The following CNTNAP5 variants were observed in gnomAD, a reference collection of about 807,000 sequenced individuals.
The protein encoded by CNTNAP5 is contactin-associated protein-like 5.
In CNTNAP5, 72 loss-of-function variants were observed where a neutral mutation model predicts 150.2. That is an observed-to-expected ratio of 0.48 (90% CI 0.40 to 0.58). CNTNAP5 has a LOEUF of 0.58. CNTNAP5 is among the 20% of genes least tolerant of loss of function. The pLI, the probability that CNTNAP5 is intolerant of heterozygous loss-of-function variation, is 0.00. For missense variants in CNTNAP5, 1,636 were observed against 1,626.2 expected (o/e 1.01, Z -0.10); for synonymous variants, 672 against 619.8 (o/e 1.08, Z -1.25).
intron 13 of CNTNAP5, among the ~76,000 whole-genome samples, chr2:124,726,007 T>C (rs1475034153): frequency 6.6e-6 from 1 of 152,106 alleles, no homozygotes; most frequent in East Asian, 1.9e-4. Flanking sequence ...TGTGTATATA[T>C]ATGATAGTTC....
intron 4 of CNTNAP5, among the ~76,000 whole-genome samples, chr2:124,419,944 CTTTCTTTCTTTCCTTT>C (rs1362638019): frequency 8.5e-6 from 1 of 116,962 alleles, no homozygotes; most frequent in African/African-American, 3.5e-5. Context: ...TTCTTTCTTT[CTTTCTTTCTTTCCTTT>C]TCTCTCTCTC....
intron 13 of CNTNAP5, among the ~76,000 whole-genome samples, chr2:124,657,748 G>T (rs1362803270): frequency 2.0e-5 from 3 of 152,124 alleles, no homozygotes; most frequent in Admixed American, 1.3e-4. Context: ...GCCCCACTTT[G>T]CTTTTTGTTG....
intron 13 of CNTNAP5, among the ~76,000 whole-genome samples, chr2:124,666,880 C>G (rs1678712705): frequency 6.6e-6 from 1 of 152,042 alleles, no homozygotes; most frequent in Admixed American, 6.6e-5. Flanking sequence ...ATATTTTGTG[C>G]TTGAAATTGC....
chr2:124,304,926 G>A (rs1688645526), intron 3 of CNTNAP5, among the ~76,000 whole-genome samples: 2 of 151,904 alleles, frequency 1.3e-5, no homozygotes, highest in South Asian at 4.2e-4. Context: ...AGGTAATTGA[G>A]TTATGGTAGA....
intron 3 of CNTNAP5, among the ~76,000 whole-genome samples, chr2:124,352,565 A>G (rs1438585986): frequency 6.6e-6 from 1 of 152,198 alleles, no homozygotes; most frequent in Non-Finnish European, 1.5e-5. Flanking sequence ...ATTTTCTGGA[A>G]GTTACATGAC....
intron 1 of CNTNAP5, among the ~76,000 whole-genome samples, chr2:124,157,589 A>G (rs1287341703): frequency 2.0e-5 from 3 of 152,324 alleles, no homozygotes; most frequent in Non-Finnish European, 4.4e-5. Flanking sequence ...TTTAGAAGAA[A>G]GAAGGGGTCC....
intron 1 of CNTNAP5, among the ~76,000 whole-genome samples, chr2:124,186,599 A>G (rs561081478): frequency 3.0e-4 from 45 of 152,334 alleles, no homozygotes; most frequent in African/African-American, 1.0e-3. Flanking sequence ...AGTTAAACTC[A>G]TCATCAAAAG....
chr2:124,628,108 A>G (rs1327874248), intron 12 of CNTNAP5, among the ~76,000 whole-genome samples: 1 of 152,214 alleles, frequency 6.6e-6, no homozygotes, highest in Non-Finnish European at 1.5e-5. Flanking sequence ...TCTTTAAGAG[A>G]TGGGGAGAAT....
intron 2 of CNTNAP5, 85 bp downstream of exon 2, chr2:124,221,894 C>T: frequency 1.2e-6 from 1 of 830,520 alleles, no homozygotes; most frequent in Non-Finnish European, 2.0e-6. Flanking sequence ...CTCTCAGACA[C>T]TGAAATCATG....
At chr2:124,146,972 G>C (rs537638964) in intron 1 of CNTNAP5, among the ~76,000 whole-genome samples, 4 of 152,186 alleles carry the variant, frequency 2.6e-5, no homozygotes, top group African/African-American at 9.6e-5. Flanking sequence ...GCTGGGGTTG[G>C]GGGGAGACAA....
intron 19 of CNTNAP5, among the ~76,000 whole-genome samples, chr2:124,854,218 C>T (rs371794429): frequency 1.0e-3 from 159 of 152,274 alleles, no homozygotes; most frequent in African/African-American, 3.3e-3. Flanking sequence ...TTTCCCTCTG[C>T]TTATACGTCC....
In CNTNAP5 at chr2:124,747,304, T is replaced by C. The variant is rs35085748; in HGVS notation, c.2153T>C (p.Val718Ala). ...TACTGGGGAGGTTCCCCTCCTGGGGTCCAGCAGTGTGAGTGTGGCCTAGAC... is the reference window on the plus strand; with the variant it reads ...TACTGGGGAGGTTCCCCTCCTGGGGCCCAGCAGTGTGAGTGTGGCCTAGAC... ...HPYWGGSPPGVQQCECGLDES... is the reference protein window; with the variant it reads ...HPYWGGSPPGAQQCECGLDES... Residue 718 changes from valine to alanine, a missense_variant, in exon 14 of 24, where the codon GTC becomes GCC. Transcript: ENST00000682447. The C allele has an allele frequency of 1.0e-2, 16,090 of 1,613,724 alleles. 110 individuals are homozygous for C. The highest frequency in any genetic ancestry group is 0.026 in the Middle Eastern group (156 of 6,060).
At chr2:124,528,423 C>A (rs1312151523) in intron 10 of CNTNAP5, among the ~76,000 whole-genome samples, 1 of 151,974 alleles carries the variant, frequency 6.6e-6, no homozygotes. Context: ...GCAGGCTAGG[C>A]CAATGTTGAG....
intron 3 of CNTNAP5, among the ~76,000 whole-genome samples, chr2:124,367,230 G>A (rs1025979040): frequency 8.5e-5 from 13 of 152,172 alleles, no homozygotes; most frequent in Non-Finnish European, 1.5e-4. Context: ...GTGGCAGGAG[G>A]CCTATTAGTC....
chr2:124,404,679 A>G (rs1401480563), intron 3 of CNTNAP5, among the ~76,000 whole-genome samples: 1 of 152,182 alleles, frequency 6.6e-6, no homozygotes, highest in Non-Finnish European at 1.5e-5. Context: ...AATCCCGAGT[A>G]AGCTCTCCCT....
chr2:124,071,144 A>C (rs2104664298), intron 1 of CNTNAP5, among the ~76,000 whole-genome samples: 1 of 152,108 alleles, frequency 6.6e-6, no homozygotes, highest in African/African-American at 2.4e-5. Context: ...TTTGAAGCAA[A>C]TGATAATGAA....
chr2:124,070,969 A>G (rs1217784271), intron 1 of CNTNAP5, among the ~76,000 whole-genome samples: 1 of 152,072 alleles, frequency 6.6e-6, no homozygotes, highest in Non-Finnish European at 1.5e-5. Context: ...GTCTTAAGAT[A>G]TTCAAAAAAT....
intron 3 of CNTNAP5, among the ~76,000 whole-genome samples, chr2:124,292,056 C>T (rs921757794): frequency 6.6e-6 from 1 of 152,100 alleles, no homozygotes; most frequent in African/African-American, 2.4e-5. Context: ...ATATGAGGAC[C>T]AACAGTGACC....
At chr2:124,607,028 T>C (rs538930509) in intron 11 of CNTNAP5, among the ~76,000 whole-genome samples, 4 of 152,350 alleles carry the variant, frequency 2.6e-5, no homozygotes, top group African/African-American at 7.2e-5. Flanking sequence ...CATATGTGGA[T>C]TGTGTCTTTG....
Sources: allele counts gnomAD v4.1 joint callset (sites outside exome capture counted in the v4.1 genomes callset), GRCh38; gene constraint gnomAD v4.1.1; transcripts MANE v1.5; gene names NCBI Gene and HGNC (gene_info 2026-07-23, HGNC 2026-07-21).